The following MEIS1 variants were observed in gnomAD, a reference collection of about 807,000 sequenced individuals.
MEIS1 encodes Meis homeobox 1.
Under a neutral mutation model 50.8 loss-of-function variants are expected in MEIS1, and 5 were observed. The observed-to-expected ratio is 0.10, with a 90% CI of 0.05 to 0.21. The LOEUF (loss-of-function observed/expected upper bound fraction) is 0.21, where lower values mean the gene tolerates loss of function less well. Ranked by LOEUF, MEIS1 falls within the 10% of genes least tolerant of loss-of-function variation. MEIS1 has a pLI of 1.00. For synonymous variants in MEIS1, 176 were observed against 179.3 expected, an observed-to-expected ratio of 0.98 and a Z score of 0.15; for missense variants, 318 against 517.3, an observed-to-expected ratio of 0.61 and a Z score of 3.74.
intron 6 of MEIS1, among the ~76,000 whole-genome samples, chr2:66,459,689 G>A (rs887445214): frequency 2.6e-5 from 4 of 151,980 alleles, no homozygotes; most frequent in Admixed American, 2.0e-4. Flanking sequence ...ATGGGGAGGT[G>A]GAGAGAGAGA....
intron 10 of MEIS1, 127 bp from the exon 11 acceptor site, chr2:66,568,537 GTTT>G: frequency 1.4e-6 from 1 of 691,546 alleles, no homozygotes; most frequent in Non-Finnish European, 2.5e-6. Flanking sequence ...CACTTTGAAT[GTTT>G]AAAAAATTAT....
At chr2:66,465,113 A>G (rs553912035) in intron 7 of MEIS1, among the ~76,000 whole-genome samples, 1 of 152,338 alleles carries the variant, frequency 6.6e-6, no homozygotes, top group East Asian at 1.9e-4. Context: ...GTTAGACAAC[A>G]AAGGAATTTT....
chr2:66,439,221 G>A (rs908767637), intron 2 of MEIS1: 7 of 965,498 alleles, frequency 7.3e-6, no homozygotes, highest in African/African-American at 3.5e-5. Flanking sequence ...TTTGGGGGGC[G>A]GTGGGGGCTA....
chr2:66,503,279 C>A (rs1214648969), intron 7 of MEIS1, among the ~76,000 whole-genome samples: 1 of 152,190 alleles, frequency 6.6e-6, no homozygotes, highest in Non-Finnish European at 1.5e-5. Flanking sequence ...CCACAACCTG[C>A]TCCTCTTACC....
chr2:66,480,657 TTGAA>T (rs1288568357), intron 7 of MEIS1, among the ~76,000 whole-genome samples: 1 of 152,160 alleles, frequency 6.6e-6, no homozygotes, highest in Non-Finnish European at 1.5e-5. Context: ...AACAGACCCT[TTGAA>T]TGAAATTTTA....
rs1672582411 is a variant in MEIS1 at position 66,464,099 on chromosome 2, G to GC, written c.631-5dup. On this transcript the variant is annotated splice_polypyrimidine_tract_variant and intron_variant, in intron 6 of 12. Coordinates refer to ENST00000272369, the MANE Select transcript of MEIS1 (RefSeq NM_002398.3). Reference sequence around the variant, plus strand: ...CCTCTTATTTGGGTTTCTGATTTGTGCCCCCACAGCCCTCTTGGAACAGAG... The same window carrying GC: ...CCTCTTATTTGGGTTTCTGATTTGTGCCCCCCACAGCCCTCTTGGAACAGAG... The GC allele has an allele frequency of 6.3e-7, 1 of 1,577,958 alleles. No homozygotes were observed. Among genetic ancestry groups the GC allele is most frequent in the African/African-American group, 1.3e-5 (1 of 74,224 alleles).
rs529175533 is a variant in MEIS1 at position 66,534,919 on chromosome 2, A to G, written c.889-13024A>G. Among the ~76,000 whole-genome samples the G allele has an allele frequency of 5.9e-5, 9 of 152,364 alleles. No individual in the cohort carries two copies. The South Asian group carries it at 8.3e-4, about 14-fold the overall frequency. Reference sequence around the variant, plus strand: ...TGGCATTACCAGTAAGATTATGTATATAAGTTCATTAGGAATGATGGCAGC... The same window carrying G: ...TGGCATTACCAGTAAGATTATGTATGTAAGTTCATTAGGAATGATGGCAGC... On this transcript the variant is annotated intron_variant, in intron 8 of 12. Coordinates refer to ENST00000272369, the MANE Select transcript of MEIS1 (RefSeq NM_002398.3).
chr2:66,448,491 A>G lies in MEIS1; in HGVS notation c.630+5443A>G, dbSNP rs976198010. On this transcript the variant is annotated intron_variant, in intron 6 of 12. Coordinates refer to ENST00000272369, the MANE Select transcript of MEIS1 (RefSeq NM_002398.3). ...TAGCTTACCTTCCCTAGCGTACCTC[A>G]CAGGTGGAGTTGGAGAAACTGTGAA... Among the ~76,000 whole-genome samples, 8 of 152,296 alleles carry G rather than the reference A, an allele frequency of 5.3e-5. No homozygotes were observed. The East Asian group carries it at 1.5e-3, about 29-fold the overall frequency.
chr2:66,445,362 G>A (rs2103696649), intron 6 of MEIS1: 1 of 152,464 alleles, frequency 6.6e-6, no homozygotes, highest in South Asian at 2.1e-4. Context: ...GCCGCCGGTG[G>A]GCTCCACTGC....
chr2:66,509,765 G>C (rs969898481), intron 7 of MEIS1, among the ~76,000 whole-genome samples: 3 of 152,184 alleles, frequency 2.0e-5, no homozygotes, highest in Non-Finnish European at 4.4e-5. Context: ...CTCAAGGCAC[G>C]CTTTCAGGAA....
At chr2:66,458,918 T>C (rs1367512868) in intron 6 of MEIS1, among the ~76,000 whole-genome samples, 2 of 152,214 alleles carry the variant, frequency 1.3e-5, no homozygotes, top group Admixed American at 1.3e-4. Flanking sequence ...TTCAAAAATA[T>C]ATTTGTATCT....
intron 9 of MEIS1, among the ~76,000 whole-genome samples, chr2:66,561,873 C>T (rs1675221749): frequency 6.6e-6 from 1 of 152,016 alleles, no homozygotes; most frequent in African/African-American, 2.4e-5. Context: ...TGTTTGGAGG[C>T]AACACCATTG....
intron 8 of MEIS1, among the ~76,000 whole-genome samples, chr2:66,526,568 G>A (rs1191507628): frequency 2.6e-5 from 4 of 152,212 alleles, no homozygotes; most frequent in African/African-American, 4.8e-5. Flanking sequence ...TATTCTGGAA[G>A]CCATGGGAGC....
At chr2:66,442,270 T>TAAAAAA (rs11292294) in intron 5 of MEIS1, among the ~76,000 whole-genome samples, 1 of 114,566 alleles carries the variant, frequency 8.7e-6, no homozygotes, top group African/African-American at 3.1e-5. Flanking sequence ...CTCCTTTTTG[T>TAAAAAA]AAAAAAAAAA....
chr2:66,527,591 A>AGTGTGTGTGT (rs71409176), intron 8 of MEIS1, among the ~76,000 whole-genome samples: 55 of 124,472 alleles, frequency 4.4e-4, no homozygotes, highest in South Asian at 2.1e-3. Context: ...AGTAAAAGCA[A>AGTGTGTGTGT]GTGTGTGTGT....
chr2:66,537,977 C>T (rs1674560987), intron 8 of MEIS1, among the ~76,000 whole-genome samples: 3 of 152,122 alleles, frequency 2.0e-5, no homozygotes, highest in Admixed American at 2.0e-4. Context: ...TGTGCATGTT[C>T]AAGTGAAATT....
At chr2:66,564,544 G>A (rs1014654247) in intron 9 of MEIS1, among the ~76,000 whole-genome samples, 64 of 152,212 alleles carry the variant, frequency 4.2e-4, no homozygotes, top group African/African-American at 1.5e-3. Flanking sequence ...ATTCTAGCAG[G>A]CACTTTTTAA....
intron 1 of MEIS1, chr2:66,436,768 C>T (rs971375997): frequency 3.4e-5 from 17 of 506,526 alleles, no homozygotes; most frequent in Non-Finnish European, 4.1e-5. Context: ...TCACTCTCAG[C>T]GCCTCCAAAT....
intron 7 of MEIS1, among the ~76,000 whole-genome samples, chr2:66,492,286 C>T (rs906099047): frequency 6.6e-6 from 1 of 151,984 alleles, no homozygotes; most frequent in Non-Finnish European, 1.5e-5. Flanking sequence ...AGACACAACT[C>T]CACATGTTCC....
Sources: gnomAD v4.1 joint callset for allele counts (sites outside exome capture counted in the v4.1 genomes callset) on GRCh38, gnomAD v4.1.1 for gene constraint, MANE v1.5 for transcripts, NCBI Gene and HGNC (gene_info 2026-07-23, HGNC 2026-07-21) for gene names.